CLHC1: variants seen among roughly 807,000 people sequenced by gnomAD.
CLHC1 encodes clathrin heavy chain linker domain-containing protein 1.
A neutral mutation model predicts 69.5 loss-of-function variants in CLHC1; 72 were observed. That is an observed-to-expected ratio of 1.04 (90% CI 0.86 to 1.26). The LOEUF is 1.26. CLHC1 is among the 50% of genes most tolerant of loss of function. The pLI is 0.00. For synonymous variants in CLHC1, 223 were observed against 224.3 expected, an observed-to-expected ratio of 0.99 and a Z score of 0.05; for missense variants, 790 against 679.3, an observed-to-expected ratio of 1.16 and a Z score of -1.81.
At chr2:55,216,047 G>A (rs1228345544) in intron 4 of CLHC1, 1 of 150,714 alleles carries the variant, frequency 6.6e-6, no homozygotes, top group East Asian at 1.9e-4. Context: ...GGCCGAGGCG[G>A]GCGGATCACC....
intron 3 of CLHC1, among the ~76,000 whole-genome samples, chr2:55,221,847 C>T (rs1187851282): frequency 2.0e-5 from 3 of 152,102 alleles, no homozygotes; most frequent in Non-Finnish European, 2.9e-5. Context: ...AGTGGTGGCA[C>T]AAGTCTGTAG....
chr2:55,223,070 C>G (rs553769188), intron 2 of CLHC1, among the ~76,000 whole-genome samples: 1 of 151,998 alleles, frequency 6.6e-6, no homozygotes, highest in South Asian at 2.1e-4. Context: ...TCGATGGTTT[C>G]TTATGTATAA....
chr2:55,182,615 G>A (rs953526046), intron 9 of CLHC1, among the ~76,000 whole-genome samples: 3 of 152,132 alleles, frequency 2.0e-5, no homozygotes, highest in Non-Finnish European at 1.5e-5. Context: ...AGAACTACTG[G>A]ATATGGATGT....
At chr2:55,190,938 C>CA (rs370889627) in intron 9 of CLHC1, among the ~76,000 whole-genome samples, 1,657 of 148,936 alleles carry the variant, frequency 0.011, 17 homozygotes, top group Non-Finnish European at 0.016. Flanking sequence ...ATCAAAGTGC[C>CA]AAAAAAAAAG....
chr2:55,188,932 A>AG (rs1670670404), intron 9 of CLHC1, among the ~76,000 whole-genome samples: 1 of 152,258 alleles, frequency 6.6e-6, no homozygotes, highest in Non-Finnish European at 1.5e-5. Flanking sequence ...GATGTGATCC[A>AG]GCTGCCTATC....
chr2:55,182,763 A>C (rs192010174), intron 9 of CLHC1, among the ~76,000 whole-genome samples: 120 of 152,306 alleles, frequency 7.9e-4, no homozygotes, highest in African/African-American at 2.6e-3. Flanking sequence ...TTAAGGGTGA[A>C]GGAGATTCCA....
chr2:55,215,150 C>T (rs1035948321), intron 4 of CLHC1: 1 of 152,154 alleles, frequency 6.6e-6, no homozygotes, highest in Non-Finnish European at 1.5e-5. Flanking sequence ...CAAAGTTTGA[C>T]CTCCATTTCT....
chr2:55,200,661 T>G (rs1671863893), intron 9 of CLHC1, among the ~76,000 whole-genome samples: 1 of 152,198 alleles, frequency 6.6e-6, no homozygotes, highest in African/African-American at 2.4e-5. Flanking sequence ...AGACTTGATC[T>G]GCACTATAGA....
chr2:55,212,715 T>C lies in CLHC1; in HGVS notation c.457A>G (p.Lys153Glu), dbSNP rs1189405359. ...CRAEYDTKEV[K>E]YCTFSKDPSK... ...GGATCTTTGGAGAAAGTACAATATT[T>C]TACTTCTTTTGTGTCATACTCTGCC... Residue 153 changes from lysine to glutamate, a missense_variant, in exon 5 of 13, where the codon AAA becomes GAA. Transcript: ENST00000401408. The C allele has an allele frequency of 6.3e-7, 1 of 1,597,540 alleles. No individual in the cohort carries two copies.
chr2:55,176,879 TTC>T (rs1180993900), intron 12 of CLHC1, among the ~76,000 whole-genome samples: 1 of 152,150 alleles, frequency 6.6e-6, no homozygotes, highest in Non-Finnish European at 1.5e-5. Flanking sequence ...GTTTTAATTA[TTC>T]TCTCTCTCAT....
intron 9 of CLHC1, among the ~76,000 whole-genome samples, chr2:55,190,189 C>T (rs986722657): frequency 1.1e-4 from 16 of 151,486 alleles, no homozygotes; most frequent in African/African-American, 2.9e-4. Context: ...GGACTACAGG[C>T]GCCCACCACC....
chr2:55,196,900 C>T (rs1025610961), intron 9 of CLHC1, among the ~76,000 whole-genome samples: 1 of 152,228 alleles, frequency 6.6e-6, no homozygotes, highest in Non-Finnish European at 1.5e-5. Context: ...CTATTGGGGT[C>T]CCCAATTCCA....
intron 12 of CLHC1, 152 bp downstream of exon 12, chr2:55,177,450 A>G: frequency 2.1e-6 from 1 of 468,798 alleles, no homozygotes; most frequent in Non-Finnish European, 3.7e-6. Context: ...ATTATTATTT[A>G]CATGGCAATC....
At position 55,188,106 on chromosome 2, in the gene CLHC1, G is replaced by C. The variant is rs186141206; in HGVS notation, c.1007-6362C>G. ...AGGTGGGAGGATGGCTTAAGGCCAG[G>C]AGTTTGAGACCAGCCTGGGCAACAT... On this transcript the variant is annotated intron_variant, in intron 9 of 12. Transcript: ENST00000401408. Among the ~76,000 whole-genome samples, 14 of 152,240 alleles carry C rather than the reference G, an allele frequency of 9.2e-5. No homozygotes were observed. In the East Asian group the frequency reaches 2.5e-3, roughly 27 times the overall value.
rs1553353361 is a variant in CLHC1 at position 55,208,865 on chromosome 2, C to CCTTTTT, written c.815-156_815-155insAAAAAG. ...TTAGTGGCCTCCCCGTCCCTTTCCT[C>CCTTTTT]TTTTTTTTTTTTTTTTTTTTTTTGA... On this transcript the variant is annotated intron_variant, in intron 7 of 12. Coordinates refer to ENST00000401408, the MANE Select transcript of CLHC1 (RefSeq NM_152385.4). Among the ~76,000 whole-genome samples the CCTTTTT allele has an allele frequency of 5.5e-5, 5 of 90,820 alleles. 2 individuals are homozygous for CCTTTTT. Among genetic ancestry groups the CCTTTTT allele is most frequent in the African/African-American group, 8.0e-5 (2 of 24,956 alleles). 59.6% of individuals were successfully genotyped at this position (90,820 alleles called of 152,430 possible).
At position 55,222,266 on chromosome 2, in the gene CLHC1, T is replaced by C. The variant is rs1364161284; in HGVS notation, c.146A>G (p.Tyr49Cys). The C allele has an allele frequency of 1.9e-6, 3 of 1,613,372 alleles. No individual in the cohort carries two copies. Among genetic ancestry groups the C allele is most frequent in the East Asian group, 2.2e-5 (1 of 44,834 alleles). The change falls in exon 3 of 13, where the codon TAT (tyrosine) becomes TGT (cysteine). Residue 49 changes from tyrosine (Y) to cysteine (C), a missense_variant. Physicochemically the swap from Tyr to Cys is radical, Grantham distance 194. Transcript: ENST00000401408. ...GCSEEGPADEYYIIYRNVFDK... is the reference protein window; with the variant it reads ...GCSEEGPADECYIIYRNVFDK... ...AAAAACATTTCGGTATATGATGTAATATTCATCAGCAGGTCCTTCCTCACT... is the reference window on the plus strand; with the variant it reads ...AAAAACATTTCGGTATATGATGTAACATTCATCAGCAGGTCCTTCCTCACT...
At chr2:55,185,228 C>G (rs1296902046) in intron 9 of CLHC1, among the ~76,000 whole-genome samples, 1 of 152,052 alleles carries the variant, frequency 6.6e-6, no homozygotes, top group African/African-American at 2.4e-5. Flanking sequence ...CAAGAAGAAG[C>G]TATCCAATTC....
intron 1 of CLHC1, among the ~76,000 whole-genome samples, chr2:55,229,418 CA>C (rs1675046895): frequency 6.6e-6 from 1 of 151,866 alleles, no homozygotes; most frequent in Non-Finnish European, 1.5e-5. Context: ...GTAGCCAGTC[CA>C]AAGGCCTCAG....
At chr2:55,205,058 A>G (rs1376320642) in intron 9 of CLHC1, among the ~76,000 whole-genome samples, 4 of 152,130 alleles carry the variant, frequency 2.6e-5, no homozygotes, top group Non-Finnish European at 4.4e-5. Flanking sequence ...ACAAAATCAC[A>G]ATGAGATACC....
Sources: gnomAD v4.1 joint callset for allele counts (sites outside exome capture counted in the v4.1 genomes callset) on GRCh38, gnomAD v4.1.1 for gene constraint, MANE v1.5 for transcripts, NCBI Gene and HGNC (gene_info 2026-07-23, HGNC 2026-07-21) for gene names.